The following PLCB1 variants were observed in gnomAD, a reference collection of about 807,000 sequenced individuals.
The protein encoded by PLCB1 is phospholipase C beta 1.
Under a neutral mutation model 161.8 loss-of-function variants are expected in PLCB1, and 46 were observed. That is an observed-to-expected ratio of 0.28 (90% confidence interval 0.22 to 0.36). The LOEUF (loss-of-function observed/expected upper bound fraction) is 0.36, where lower values mean the gene tolerates loss of function less well. PLCB1 is among the 10% of genes least tolerant of loss of function. The probability of loss-of-function intolerance (pLI) is 1.00; values close to 1 mark genes in which losing one functional copy is unlikely to be tolerated. For missense variants in PLCB1, 1,016 were observed against 1,472.5 expected (o/e 0.69, Z 5.07); for synonymous variants, 517 against 503.7 (o/e 1.03, Z -0.35).
At chr20:8,578,949 T>C (rs1986754850) in intron 3 of PLCB1, among the ~76,000 whole-genome samples, 2 of 152,236 alleles carry the variant, frequency 1.3e-5, no homozygotes, top group South Asian at 4.1e-4. Context: ...TACAAATTAC[T>C]TAATAAATGT....
intron 9 of PLCB1, among the ~76,000 whole-genome samples, chr20:8,659,832 A>C (rs1989573148): frequency 2.6e-5 from 4 of 152,052 alleles, no homozygotes; most frequent in Admixed American, 2.6e-4. Context: ...TCTCTATTAA[A>C]AATACAAAAA....
At chr20:8,875,052 A>G (rs1008490724) in intron 31 of PLCB1, among the ~76,000 whole-genome samples, 7 of 151,854 alleles carry the variant, frequency 4.6e-5, no homozygotes, top group Non-Finnish European at 8.8e-5. Context: ...GTATTGTGCT[A>G]TTGCATTTCT....
intron 23 of PLCB1, among the ~76,000 whole-genome samples, chr20:8,750,175 GAC>G (rs1431439683): frequency 6.6e-6 from 1 of 152,138 alleles, no homozygotes; most frequent in Non-Finnish European, 1.5e-5. Context: ...CTTATATGAT[GAC>G]ACACAGCCAT....
chr20:8,175,429 A>C (rs1392585676), intron 2 of PLCB1, among the ~76,000 whole-genome samples: 3 of 150,520 alleles, frequency 2.0e-5, no homozygotes, highest in Non-Finnish European at 4.4e-5. Flanking sequence ...GATGATGGAG[A>C]CATTGGATAT....
intron 31 of PLCB1, among the ~76,000 whole-genome samples, chr20:8,870,995 G>A (rs1317004406): frequency 2.6e-5 from 4 of 152,154 alleles, no homozygotes; most frequent in African/African-American, 9.7e-5. Flanking sequence ...GAAATGCAGG[G>A]TAGCATGCCC....
chr20:8,302,913 A>T (rs1436403513), intron 2 of PLCB1, among the ~76,000 whole-genome samples: 2 of 152,260 alleles, frequency 1.3e-5, no homozygotes, highest in East Asian at 3.9e-4. Flanking sequence ...AAGATGGTGG[A>T]AGACAGTCTT....
At chr20:8,715,855 C>T (rs867550245) in intron 12 of PLCB1, 2 of 170,644 alleles carry the variant, frequency 1.2e-5, no homozygotes, top group African/African-American at 2.4e-5. Flanking sequence ...TCCTTTGCAG[C>T]AGTGGTTTAC....
At chr20:8,405,902 T>A (rs1164593305) in intron 3 of PLCB1, among the ~76,000 whole-genome samples, 2 of 152,204 alleles carry the variant, frequency 1.3e-5, no homozygotes, top group East Asian at 3.8e-4. Context: ...GCTACTGACA[T>A]CTCTGCCCAA....
intron 3 of PLCB1, among the ~76,000 whole-genome samples, chr20:8,455,759 G>A (rs184473): frequency 2.6e-5 from 4 of 152,114 alleles, no homozygotes; most frequent in Non-Finnish European, 5.9e-5. Context: ...ATGGTTGGGA[G>A]AATGTGAGGA....
At chr20:8,352,597 T>C (rs1986215867) in intron 2 of PLCB1, among the ~76,000 whole-genome samples, 1 of 152,082 alleles carries the variant, frequency 6.6e-6, no homozygotes. Flanking sequence ...TGACAAATAA[T>C]ATCTATATTA....
rs971351506 is a variant in PLCB1, at chr20:8,774,725, C to T, written c.3111+6C>T. On this transcript the variant is annotated splice_donor_region_variant and intron_variant, in intron 27 of 31. Coordinates refer to ENST00000338037, the MANE Select transcript of PLCB1 (RefSeq NM_015192.4). ...AGCGAGAACATATTAAACTGGTGAG[C>T]CTGAGAAACATGATTTATGTTTGTG... 10 of 1,579,416 alleles carry T rather than the reference C, an allele frequency of 6.3e-6. No individual in the cohort carries two copies. In the African/African-American group the frequency reaches 1.2e-4, roughly 19 times the overall value.
intron 3 of PLCB1, among the ~76,000 whole-genome samples, chr20:8,545,071 C>T (rs1006271705): frequency 6.6e-6 from 1 of 152,100 alleles, no homozygotes; most frequent in Non-Finnish European, 1.5e-5. Context: ...CTAAAAGTAA[C>T]TTGAATGCAA....
At chr20:8,865,959 A>C (rs1987415365) in intron 31 of PLCB1, among the ~76,000 whole-genome samples, 1 of 152,204 alleles carries the variant, frequency 6.6e-6, no homozygotes, top group Non-Finnish European at 1.5e-5. Flanking sequence ...TTCTAAATTG[A>C]CTGCTACTCA....
intron 3 of PLCB1, among the ~76,000 whole-genome samples, chr20:8,451,629 T>C (rs1224556325): frequency 6.6e-6 from 1 of 152,104 alleles, no homozygotes; most frequent in Non-Finnish European, 1.5e-5. Flanking sequence ...GGATTACGGG[T>C]GTGAGCCACT....
At chr20:8,639,657 T>C (rs1451693279) in intron 4 of PLCB1, among the ~76,000 whole-genome samples, 1 of 152,234 alleles carries the variant, frequency 6.6e-6, no homozygotes, top group Non-Finnish European at 1.5e-5. Context: ...GATATTTTTT[T>C]TTCAGTTGAA....
chr20:8,813,714 C>G (rs1215998802), intron 31 of PLCB1, among the ~76,000 whole-genome samples: 1 of 152,064 alleles, frequency 6.6e-6, no homozygotes, highest in Non-Finnish European at 1.5e-5. Flanking sequence ...GCCTGTAGTC[C>G]CAGCTACTGA....
chr20:8,645,141 C>A (rs946865223), intron 4 of PLCB1, among the ~76,000 whole-genome samples: 1 of 150,032 alleles, frequency 6.7e-6, no homozygotes, highest in Non-Finnish European at 1.5e-5. Context: ...AGAGTCATCA[C>A]CACTCCCTAA....
At chr20:8,625,565 G>A (rs978080345) in intron 3 of PLCB1, among the ~76,000 whole-genome samples, 5 of 152,144 alleles carry the variant, frequency 3.3e-5, no homozygotes, top group South Asian at 2.1e-4. Flanking sequence ...CTCCATCACC[G>A]AAAAAGGACG....
intron 10 of PLCB1, among the ~76,000 whole-genome samples, chr20:8,690,888 G>T (rs1009950370): frequency 6.6e-6 from 1 of 152,196 alleles, no homozygotes; most frequent in African/African-American, 2.4e-5. Flanking sequence ...GCAAGATGGA[G>T]TCAGCTATGT....
Sources: allele counts gnomAD v4.1 joint callset (sites outside exome capture counted in the v4.1 genomes callset), GRCh38; gene constraint gnomAD v4.1.1; transcripts MANE v1.5; gene names NCBI Gene and HGNC (gene_info 2026-07-23, HGNC 2026-07-21).